The following XIRP2 variants were observed in gnomAD, a reference collection of about 807,000 sequenced individuals.
XIRP2 encodes the protein xin actin-binding repeat-containing protein 2.
A neutral mutation model predicts 277.0 loss-of-function variants in XIRP2; 236 were observed. That is an observed-to-expected ratio of 0.85 (90% CI 0.77 to 0.95). The LOEUF (loss-of-function observed/expected upper bound fraction) is 0.95, where lower values mean the gene tolerates loss of function less well. Among genes scored for constraint, XIRP2 ranks in the 40% least tolerant of loss-of-function variants. XIRP2 has a pLI of 0.00. For missense variants in XIRP2, 4,640 were observed against 4,157.5 expected (o/e 1.12, Z -3.19); for synonymous variants, 1,490 against 1,416.5 (o/e 1.05, Z -1.17).
intron 5 of XIRP2, among the ~76,000 whole-genome samples, chr2:167,235,473 T>TTTAC (rs1031905203): frequency 3.7e-4 from 57 of 152,088 alleles, no homozygotes; most frequent in African/African-American, 1.3e-3. Flanking sequence ...TACCCATGTA[T>TTTAC]TTACTCCTTG....
In XIRP2 at chr2:167,247,162, A is replaced by G; in HGVS notation, c.5770A>G (p.Thr1924Ala). Residue 1924 changes from threonine to alanine, a missense_variant, in exon 9 of 11, where the codon ACA becomes GCA. By Grantham distance (58) the Thr-to-Ala change is moderately conservative. Coordinates refer to ENST00000409195, the MANE Select transcript of XIRP2 (RefSeq NM_152381.6). ...GGAGCTTCTCAAAGATGACCTGGAA[A>G]CATCACTAAGGTCTTTGAAAGAAGC... is the stretch of plus-strand genomic sequence containing the variant. ...KKELLKDDLE[T>A]SLRSLKEAQR... 6.2e-7 allele frequency: 1 copy of G among 1,613,654 alleles called. No individual in the cohort carries two copies. The highest frequency in any genetic ancestry group is 8.5e-7 in the Non-Finnish European group (1 of 1,179,782).
intron 5 of XIRP2, among the ~76,000 whole-genome samples, chr2:167,238,428 A>T (rs1333094766): frequency 1.3e-5 from 2 of 152,100 alleles, no homozygotes; most frequent in Non-Finnish European, 2.9e-5. Flanking sequence ...CTTCCTAGAA[A>T]AGCATAAGAT....
chr2:166,952,444 G>A (rs1291910331), intron 2 of XIRP2, among the ~76,000 whole-genome samples: 1 of 151,858 alleles, frequency 6.6e-6, no homozygotes, highest in Non-Finnish European at 1.5e-5. Context: ...TTTAAGAAAC[G>A]CCCTGCAGAG....
At chr2:167,169,011 G>T (rs1225609218) in intron 3 of XIRP2, among the ~76,000 whole-genome samples, 1 of 152,076 alleles carries the variant, frequency 6.6e-6, no homozygotes, top group African/African-American at 2.4e-5. Flanking sequence ...CTTTGAGTTT[G>T]TCTCTTCAGA....
At chr2:166,974,226 G>T (rs945655334) in intron 2 of XIRP2, among the ~76,000 whole-genome samples, 4 of 151,788 alleles carry the variant, frequency 2.6e-5, no homozygotes, top group African/African-American at 7.3e-5. Context: ...CATTGGCTTG[G>T]AGTTTCAGAG....
intron 2 of XIRP2, among the ~76,000 whole-genome samples, chr2:167,066,626 A>T (rs1346956766): frequency 6.6e-6 from 1 of 152,054 alleles, no homozygotes; most frequent in East Asian, 1.9e-4. Context: ...CTACGTACAT[A>T]TCCAAAATTA....
intron 2 of XIRP2, among the ~76,000 whole-genome samples, chr2:167,026,897 T>G (rs1688177654): frequency 6.6e-6 from 1 of 152,162 alleles, no homozygotes; most frequent in Non-Finnish European, 1.5e-5. Context: ...CGGGCTTCCC[T>G]TTGTGGGTAA....
At chr2:167,072,909 CTT>C (rs1689470463) in intron 2 of XIRP2, among the ~76,000 whole-genome samples, 1 of 152,092 alleles carries the variant, frequency 6.6e-6, no homozygotes, top group African/African-American at 2.4e-5. Flanking sequence ...CACAGTATAA[CTT>C]TAAACACAAA....
chr2:167,020,717 A>T (rs1407245949), intron 2 of XIRP2, among the ~76,000 whole-genome samples: 2 of 151,980 alleles, frequency 1.3e-5, no homozygotes, highest in African/African-American at 4.8e-5. Flanking sequence ...ATGATTTATT[A>T]TATCTCTTTC....
chr2:167,084,500 A>C (rs1411674347), intron 2 of XIRP2, among the ~76,000 whole-genome samples: 6 of 151,110 alleles, frequency 4.0e-5, no homozygotes, highest in East Asian at 1.9e-4. Flanking sequence ...TGATTGGAAT[A>C]GTTTCAGAAG....
In XIRP2 at chr2:167,247,613, T is replaced by A. The variant is rs1369924121; in HGVS notation, c.6221T>A (p.Leu2074His). The A allele has an allele frequency of 6.2e-7, 1 of 1,613,528 alleles. No homozygotes were observed. The highest frequency in any genetic ancestry group is 8.5e-7 in the Non-Finnish European group (1 of 1,179,756). Reference sequence around the variant, plus strand: ...ACTGATACTACAGGAGAACAGCATCTTAGAGATGAATATATGAGCAGACAA... The same window carrying A: ...ACTGATACTACAGGAGAACAGCATCATAGAGATGAATATATGAGCAGACAA... Reference protein sequence around the residue: ...VWTDTTGEQHLRDEYMSRQLT... With the variant: ...VWTDTTGEQHHRDEYMSRQLT... Residue 2074 changes from leucine to histidine, a missense_variant, in exon 9 of 11, where the codon CTT becomes CAT. Physicochemically the swap from Leu to His is moderately conservative, Grantham distance 99 (BLOSUM62 -3). Coordinates refer to ENST00000409195, the MANE Select transcript of XIRP2 (RefSeq NM_152381.6).
At chr2:167,006,507 T>A (rs932983888) in intron 2 of XIRP2, among the ~76,000 whole-genome samples, 1 of 151,796 alleles carries the variant, frequency 6.6e-6, no homozygotes, top group African/African-American at 2.4e-5. Flanking sequence ...CTCTGGAAAT[T>A]GAATGTGTTT....
chr2:166,949,230 T>C (rs1156559208), intron 2 of XIRP2, among the ~76,000 whole-genome samples: 2 of 152,086 alleles, frequency 1.3e-5, no homozygotes, highest in African/African-American at 4.8e-5. Flanking sequence ...AGTATAGCGA[T>C]TCAAGAGTAT....
chr2:166,936,076 G>T (rs1319051388), intron 2 of XIRP2, among the ~76,000 whole-genome samples: 3 of 152,178 alleles, frequency 2.0e-5, no homozygotes, highest in African/African-American at 7.2e-5. Flanking sequence ...AGCACCTGTT[G>T]TTTCCTGACT....
chr2:167,232,172 A>G (rs1472072072), intron 5 of XIRP2, among the ~76,000 whole-genome samples: 1 of 152,012 alleles, frequency 6.6e-6, no homozygotes, highest in African/African-American at 2.4e-5. Flanking sequence ...GGAATCATAC[A>G]ACAGTATCTT....
intron 2 of XIRP2, among the ~76,000 whole-genome samples, chr2:166,913,508 G>C (rs189143561): frequency 6.6e-6 from 1 of 152,126 alleles, no homozygotes; most frequent in Non-Finnish European, 1.5e-5. Context: ...GACTGGAGCT[G>C]TTCCTATTCA....
chr2:167,111,250 G>T (rs939460264), intron 2 of XIRP2, among the ~76,000 whole-genome samples: 1 of 152,090 alleles, frequency 6.6e-6, no homozygotes, highest in African/African-American at 2.4e-5. Flanking sequence ...CTTACCTTAT[G>T]CTGGTTTTCA....
intron 2 of XIRP2, among the ~76,000 whole-genome samples, chr2:167,050,739 A>G (rs1045136460): frequency 2.0e-5 from 3 of 151,998 alleles, no homozygotes; most frequent in Non-Finnish European, 4.4e-5. Flanking sequence ...GAAACAGAAA[A>G]TGGGAAAAAT....
rs565734122 is a variant in XIRP2, at chr2:166,936,325, T to A, written c.408+32435T>A. 2.1e-3 allele frequency among the ~76,000 whole-genome samples: 318 copies of A among 152,350 alleles called. 3 individuals are homozygous for A. Among genetic ancestry groups the A allele is most frequent in the African/African-American group, 7.4e-3 (306 of 41,584 alleles). On this transcript the variant is annotated intron_variant, in intron 2 of 10. Coordinates refer to ENST00000409195, the MANE Select transcript of XIRP2 (RefSeq NM_152381.6). Reference sequence around the variant, plus strand: ...TTCTGGATATTAGCCCTTTGTCAGATGAGTAGATTGCAAAAATTTTCTCCC... The same window carrying A: ...TTCTGGATATTAGCCCTTTGTCAGAAGAGTAGATTGCAAAAATTTTCTCCC...
Sources: allele counts gnomAD v4.1 joint callset (sites outside exome capture counted in the v4.1 genomes callset), GRCh38; gene constraint gnomAD v4.1.1; transcripts MANE v1.5; gene names NCBI Gene and HGNC (gene_info 2026-07-23, HGNC 2026-07-21).